The following ADAMTSL1 variants were observed in gnomAD, a reference collection of about 807,000 sequenced individuals.
The protein encoded by ADAMTSL1 is ADAMTS-like protein 1.
Under a neutral mutation model 201.8 loss-of-function variants are expected in ADAMTSL1, and 126 were observed. The observed-to-expected ratio is 0.62, with a 90% CI of 0.54 to 0.72. ADAMTSL1 has a LOEUF of 0.72. ADAMTSL1 is among the 30% of genes least tolerant of loss of function. The pLI, the probability that ADAMTSL1 is intolerant of heterozygous loss-of-function variation, is 0.00. For synonymous variants in ADAMTSL1, 1,121 were observed against 903.4 expected (o/e 1.24, Z -4.32); for missense variants, 2,679 against 2,277.8 (o/e 1.18, Z -3.59).
At chr9:18,550,346 C>G (rs560097638) in intron 3 of ADAMTSL1, among the ~76,000 whole-genome samples, 1 of 151,868 alleles carries the variant, frequency 6.6e-6, no homozygotes, top group Non-Finnish European at 1.5e-5. Context: ...CTCCTAAAAG[C>G]AGAGCGCTTT....
chr9:18,248,550 T>C lies in ADAMTSL1; in HGVS notation c.207+84569T>C, dbSNP rs1166297643. 4.6e-5 allele frequency among the ~76,000 whole-genome samples: 7 copies of C among 151,964 alleles called. 1 individual carries two copies. The South Asian group carries it at 1.2e-3, about 27-fold the overall frequency. ...GCCCTGTAGTGTAAAAAAAAGAAATTTGTGGCAGTTAAACTCTTCAACCAA... is the reference window on the plus strand; with the variant it reads ...GCCCTGTAGTGTAAAAAAAAGAAATCTGTGGCAGTTAAACTCTTCAACCAA... On this transcript the variant is annotated intron_variant, in intron 2 of 29. Coordinates refer to the ADAMTSL1 transcript ENST00000680146.
chr9:18,801,120 T>A (rs533013241), intron 20 of ADAMTSL1, among the ~76,000 whole-genome samples: 2 of 152,218 alleles, frequency 1.3e-5, no homozygotes, highest in Non-Finnish European at 2.9e-5. Flanking sequence ...GTAATATTTA[T>A]GCTGAAGGCG....
intron 1 of ADAMTSL1, among the ~76,000 whole-genome samples, chr9:17,938,900 A>T (rs1164276452): frequency 6.6e-6 from 1 of 152,160 alleles, no homozygotes; most frequent in African/African-American, 2.4e-5. Flanking sequence ...TAAGCTGGAC[A>T]TAGAGAAAAC....
At chr9:18,591,798 C>A (rs1162421179) in intron 4 of ADAMTSL1, among the ~76,000 whole-genome samples, 6 of 152,254 alleles carry the variant, frequency 3.9e-5, no homozygotes, top group South Asian at 4.2e-4. Flanking sequence ...CATAAAAATT[C>A]ATGCTTCAGG....
intron 4 of ADAMTSL1, among the ~76,000 whole-genome samples, chr9:18,583,100 A>G (rs1455117631): frequency 6.6e-6 from 1 of 152,182 alleles, no homozygotes; most frequent in Admixed American, 6.5e-5. Context: ...CTAATACAGT[A>G]AATTGGTACC....
At chr9:18,486,495 G>A (rs1325388951) in intron 1 of ADAMTSL1, among the ~76,000 whole-genome samples, 2 of 152,182 alleles carry the variant, frequency 1.3e-5, no homozygotes, top group South Asian at 4.1e-4. Context: ...CTTGAGCCCA[G>A]GAGTTCAAGA....
intron 3 of ADAMTSL1, among the ~76,000 whole-genome samples, chr9:18,542,640 C>T (rs907310601): frequency 6.6e-6 from 1 of 152,068 alleles, no homozygotes; most frequent in Non-Finnish European, 1.5e-5. Flanking sequence ...TAGAAACCAA[C>T]CTTGCAGACC....
At chr9:18,594,486 A>T (rs184547811) in intron 4 of ADAMTSL1, among the ~76,000 whole-genome samples, 1 of 152,164 alleles carries the variant, frequency 6.6e-6, no homozygotes, top group Admixed American at 6.5e-5. Flanking sequence ...TGTCCTGTAG[A>T]TCCCATAAAC....
chr9:18,119,274 C>T (rs1564010377), intron 1 of ADAMTSL1, among the ~76,000 whole-genome samples: 1 of 151,742 alleles, frequency 6.6e-6, no homozygotes, highest in Non-Finnish European at 1.5e-5. Flanking sequence ...TAGGTCTTCC[C>T]TTCCTGAATA....
chr9:18,552,215 G>C (rs533531420), intron 3 of ADAMTSL1, among the ~76,000 whole-genome samples: 2 of 151,456 alleles, frequency 1.3e-5, no homozygotes, highest in South Asian at 2.1e-4. Flanking sequence ...AGACTTTCTT[G>C]TTTTCACAGA....
intron 2 of ADAMTSL1, among the ~76,000 whole-genome samples, chr9:18,216,531 C>T (rs1376671503): frequency 2.6e-5 from 4 of 152,032 alleles, no homozygotes; most frequent in Non-Finnish European, 5.9e-5. Flanking sequence ...AGGTTGGCAG[C>T]AGCATCAAGC....
At chr9:18,164,153 A>G (rs953618731) in intron 2 of ADAMTSL1, among the ~76,000 whole-genome samples, 1 of 151,972 alleles carries the variant, frequency 6.6e-6, no homozygotes, top group Non-Finnish European at 1.5e-5. Context: ...GTATAGGGCA[A>G]CTTTCTGACT....
At chr9:18,439,833 C>T (rs773582729) in intron 2 of ADAMTSL1, among the ~76,000 whole-genome samples, 1 of 152,180 alleles carries the variant, frequency 6.6e-6, no homozygotes, top group African/African-American at 2.4e-5. Context: ...CATCTTCATA[C>T]AGCCGTTTGA....
At chr9:18,514,661 GT>G (rs1401461414) in intron 2 of ADAMTSL1, among the ~76,000 whole-genome samples, 2 of 152,070 alleles carry the variant, frequency 1.3e-5, no homozygotes, top group African/African-American at 4.8e-5. Context: ...GTATCCCTCA[GT>G]TTTACTCAAT....
At chr9:18,169,243 GT>G (rs1827780271) in intron 2 of ADAMTSL1, among the ~76,000 whole-genome samples, 1 of 151,780 alleles carries the variant, frequency 6.6e-6, no homozygotes. Flanking sequence ...TTCTTCTAGG[GT>G]TTTTATGGTT....
chr9:17,935,027 C>T (rs1006693073), intron 1 of ADAMTSL1, among the ~76,000 whole-genome samples: 3 of 151,228 alleles, frequency 2.0e-5, no homozygotes, highest in African/African-American at 7.3e-5. Flanking sequence ...TGGTTATTTT[C>T]TATTTATCTT....
intron 14 of ADAMTSL1, among the ~76,000 whole-genome samples, chr9:18,710,679 T>G (rs192660308): frequency 0.024 from 3,599 of 148,734 alleles, 114 homozygotes; most frequent in Middle Eastern, 0.045. Context: ...TTGTTTTTTT[T>G]TTTTTTTTTT....
intron 16 of ADAMTSL1, among the ~76,000 whole-genome samples, chr9:18,753,806 A>C (rs1159569409): frequency 4.6e-5 from 7 of 152,334 alleles, no homozygotes; most frequent in African/African-American, 1.7e-4. Flanking sequence ...ATTTTTTAAA[A>C]TCAAGACAAT....
chr9:18,452,776 A>G (rs1472358779), intron 2 of ADAMTSL1, among the ~76,000 whole-genome samples: 1 of 152,236 alleles, frequency 6.6e-6, no homozygotes, highest in African/African-American at 2.4e-5. Context: ...CATGTCTCAC[A>G]TCCTGGGAAC....
Sources: allele counts gnomAD v4.1 joint callset (sites outside exome capture counted in the v4.1 genomes callset), GRCh38; gene constraint gnomAD v4.1.1; transcripts MANE v1.5; gene names NCBI Gene and HGNC (gene_info 2026-07-23, HGNC 2026-07-21).